Variants in CCN2 observed in about 807,000 individuals in gnomAD.
The protein encoded by CCN2 is cellular communication network factor 2.
Under a neutral mutation model 33.2 loss-of-function variants are expected in CCN2, and 22 were observed. The observed-to-expected ratio is 0.66, with a 90% CI of 0.47 to 0.95. The LOEUF is 0.95. CCN2 is among the 40% of genes least tolerant of loss of function. The pLI is 0.00. For synonymous variants in CCN2, 178 were observed against 200.6 expected (o/e 0.89, Z 0.95); for missense variants, 469 against 498.8 (o/e 0.94, Z 0.57).
Position 131,950,786 on chromosome 6 carries a change from C to A in CCN2, c.273G>T (p.Lys91Asn). 6.5e-7 allele frequency: 1 copy of A among 1,545,066 alleles called. No individual in the cohort carries two copies. Among genetic ancestry groups the A allele is most frequent in the Non-Finnish European group, 8.7e-7 (1 of 1,152,680 alleles). Residue 91 changes from lysine to asparagine, a missense_variant, in exon 2 of 5, where the codon AAG (lysine) becomes AAT (asparagine). Transcript: ENST00000367976. The surrounding 1 kb of genome is among the most constrained non-coding windows in gnomAD (Gnocchi z 7.1). ...FCHFGSPANR[K>N]IGVCTAKDGA... is the part of the protein sequence containing the mutation. ...GGGTCTTACCGGTGCACACGCCGATCTTGCGGTTGGCCGGGGAGCCGAAGT... is the reference window on the plus strand; with the variant it reads ...GGGTCTTACCGGTGCACACGCCGATATTGCGGTTGGCCGGGGAGCCGAAGT...
rs756979756 is a variant in CCN2, at chr6:131,950,081, G to A, written c.621C>T (p.Ser207=). The change falls in exon 4 of 5, where the codon AGC becomes AGT. Residue 207 remains serine, a synonymous_variant. Transcript: ENST00000367976. This position sits in a 1 kb window ranked among gnomAD's most constrained non-coding sequence, Gnocchi z 7.1. ...ANCLVQTTEW[S]ACSKTCGMGI... is the part of the protein sequence containing the mutation. ...CCATCCCACAGGTCTTGGAACAGGC[G>A]CTCCACTCTGTGGTCTGGACCAGGC... 4 of 1,614,084 alleles carry A rather than the reference G, an allele frequency of 2.5e-6. No homozygotes were observed. Among genetic ancestry groups the A allele is most frequent in the African/African-American group, 2.7e-5 (2 of 74,932 alleles).
Position 131,950,190 on chromosome 6 carries a change from T to C in CCN2, c.542-30A>G. 3.1e-6 allele frequency: 5 copies of C among 1,613,748 alleles called. No homozygotes were observed. The highest frequency in any genetic ancestry group is 1.7e-4 in the Middle Eastern group (1 of 6,060). ...GAGAGCAGAGCACACAAACACCATG[T>C]AAAACGCCTGGATAAGGTATTTCCC... On this transcript the variant is annotated intron_variant, in intron 3 of 4. Transcript: ENST00000367976. This position sits in a 1 kb window ranked among gnomAD's most constrained non-coding sequence, Gnocchi z 7.1.
At position 131,950,817 on chromosome 6, in the gene CCN2, A is replaced by C. The variant is rs767059535; in HGVS notation, c.242T>G (p.Phe81Cys). ...GTTGGCCGGGGAGCCGAAGTGACAGAATAGGCCCTTGTGCGGGTCGCATGG... is the reference window on the plus strand; with the variant it reads ...GTTGGCCGGGGAGCCGAAGTGACAGCATAGGCCCTTGTGCGGGTCGCATGG... ...RDPCDPHKGL[F>C]CHFGSPANRK... is the part of the protein sequence containing the mutation. Residue 81 changes from phenylalanine (F) to cysteine (C), a missense_variant, in exon 2 of 5, where the codon TTC becomes TGC. Transcript: ENST00000367976. The surrounding 1 kb of genome is among the most constrained non-coding windows in gnomAD (Gnocchi z 7.1). 10 of 1,545,096 alleles carry C rather than the reference A, an allele frequency of 6.5e-6. No individual in the cohort carries two copies. The African/African-American group carries it at 6.8e-5, about 11-fold the overall frequency.
Position 131,950,255 on chromosome 6 carries a change from G to GA in CCN2, c.541+36dup, listed in dbSNP as rs56033820. On this transcript the variant is annotated intron_variant, in intron 3 of 4. Coordinates refer to ENST00000367976, the MANE Select transcript of CCN2 (RefSeq NM_001901.4). The surrounding 1 kb of genome is among the most constrained non-coding windows in gnomAD (Gnocchi z 7.1). ...CAGTTAGGACTCCCTCCCTGGGAGA[G>GA]AATCACGACCCTGACTTAGAGGAAG... is the stretch of plus-strand genomic sequence containing the variant. 1 of 1,610,204 alleles carries GA rather than the reference G, an allele frequency of 6.2e-7. No homozygotes were observed. The highest frequency in any genetic ancestry group is 2.2e-5 in the East Asian group (1 of 44,784).
In CCN2 at chr6:131,950,269, A is replaced by G. The variant is rs1290691333; in HGVS notation, c.541+23T>C. On this transcript the variant is annotated intron_variant, in intron 3 of 4. Transcript: ENST00000367976. This position sits in a 1 kb window ranked among gnomAD's most constrained non-coding sequence, Gnocchi z 7.1. ...TCCCTGGGAGAGAATCACGACCCTG[A>G]CTTAGAGGAAGACTCGACTCACCCG... The G allele has an allele frequency of 2.0e-5, 32 of 1,611,418 alleles. No individual in the cohort carries two copies. Among genetic ancestry groups the G allele is most frequent in the Non-Finnish European group, 2.6e-5 (31 of 1,178,040 alleles).
Position 131,949,138 on chromosome 6 carries a change from T to A in CCN2, c.*126A>T. ...CACAATGTTTTGAATTGGGTGGGAA[T>A]CTTTTCCCCCAGTTAGAAAAACAGA... On this transcript the variant is annotated 3_prime_UTR_variant, in exon 5 of 5. Transcript: ENST00000367976. 1 of 839,262 alleles carries A rather than the reference T, an allele frequency of 1.2e-6. No homozygotes were observed. Among genetic ancestry groups the A allele is most frequent in the South Asian group, 1.6e-5 (1 of 61,284 alleles). The allele number at this position is 839,262 out of a possible 1,614,324, so 52.0% of individuals were successfully genotyped here.
intron 4 of CCN2, among the ~76,000 whole-genome samples, 158 bp downstream of exon 4, chr6:131,949,791 G>A (rs1415885946): frequency 1.3e-5 from 2 of 152,198 alleles, no homozygotes; most frequent in Non-Finnish European, 2.9e-5. Context: ...AAAACTGGTG[G>A]TTGCTATTAC....
chr6:131,951,179 C>T lies in CCN2; in HGVS notation c.-7G>A. ...CCATACTGGCGGCGGTCATGGTTGG[C>T]ACTGCGGGCGGAGCGGAGGGCGCGG... On this transcript the variant is annotated 5_prime_UTR_variant, in exon 1 of 5. Transcript: ENST00000367976. 7.6e-7 allele frequency: 1 copy of T among 1,323,910 alleles called. No homozygotes were observed. The allele number at this position is 1,323,910 out of a possible 1,614,324, so 82.0% of individuals were successfully genotyped here.
chr6:131,950,196 G>T lies in CCN2; in HGVS notation c.542-36C>A, dbSNP rs376542168. On this transcript the variant is annotated intron_variant, in intron 3 of 4. Coordinates refer to ENST00000367976, the MANE Select transcript of CCN2 (RefSeq NM_001901.4). The surrounding 1 kb of genome is among the most constrained non-coding windows in gnomAD (Gnocchi z 7.1). Reference sequence around the variant, plus strand: ...AGAGCACACAAACACCATGTAAAACGCCTGGATAAGGTATTTCCCCCGTTC... The same window carrying T: ...AGAGCACACAAACACCATGTAAAACTCCTGGATAAGGTATTTCCCCCGTTC... 38 of 1,613,334 alleles carry T rather than the reference G, an allele frequency of 2.4e-5. No homozygotes were observed. Among genetic ancestry groups the T allele is most frequent in the African/African-American group, 8.0e-5 (6 of 74,898 alleles).
rs966663389 is a variant in CCN2 at position 131,950,686 on chromosome 6, C to T, written c.289+84G>A. 2 of 1,482,016 alleles carry T rather than the reference C, an allele frequency of 1.3e-6. No individual in the cohort carries two copies. Among genetic ancestry groups the T allele is most frequent in the African/African-American group, 2.7e-5 (2 of 72,794 alleles). The allele number at this position is 1,482,016 out of a possible 1,614,324, so 91.8% of individuals were successfully genotyped here. A position where few individuals can be genotyped will look rare whatever the true frequency, so the allele number is the denominator to read the frequency against. On this transcript the variant is annotated intron_variant, in intron 2 of 4. Coordinates refer to ENST00000367976, the MANE Select transcript of CCN2 (RefSeq NM_001901.4). This position sits in a 1 kb window ranked among gnomAD's most constrained non-coding sequence, Gnocchi z 7.1. ...CAGCAGCTGGAGAAAGAAACTCAGT[C>T]CGAGCGGTTTCTTTTTCCAGCGGGC...
At position 131,950,651 on chromosome 6, in the gene CCN2, G is replaced by A; in HGVS notation, c.290-108C>T. 3.9e-6 allele frequency: 6 copies of A among 1,523,090 alleles called. No homozygotes were observed. Among genetic ancestry groups the A allele is most frequent in the Non-Finnish European group, 5.3e-6 (6 of 1,123,246 alleles). 94.3% of individuals were successfully genotyped at this position (1,523,090 alleles called of 1,614,324 possible). A position where few individuals can be genotyped will look rare whatever the true frequency, so the allele number is the denominator to read the frequency against. On this transcript the variant is annotated intron_variant, in intron 2 of 4. Coordinates refer to ENST00000367976, the MANE Select transcript of CCN2 (RefSeq NM_001901.4). This position sits in a 1 kb window ranked among gnomAD's most constrained non-coding sequence, Gnocchi z 7.1. Reference sequence around the variant, plus strand: ...GCGAGTTGGGATCTGGGCTGCAGGGGGCGGGCTGGCAGCAGCTGGAGAAAG... The same window carrying A: ...GCGAGTTGGGATCTGGGCTGCAGGGAGCGGGCTGGCAGCAGCTGGAGAAAG...
Position 131,949,452 on chromosome 6 carries a change from T to C in CCN2, c.862A>G (p.Thr288Ala), listed in dbSNP as rs759957908. The change falls in exon 5 of 5, where the codon ACC becomes GCC. Residue 288 changes from threonine to alanine, a missense_variant. Physicochemically the swap from Thr to Ala is moderately conservative, Grantham distance 58. Coordinates refer to ENST00000367976, the MANE Select transcript of CCN2 (RefSeq NM_001901.4). ...TYRAKFCGVC[T>A]DGRCCTPHRT... The stretch of plus-strand genomic sequence containing the variant: ...TGGGGGGTGCAGCATCGGCCGTCGG[T>C]ACATACTCCACAGAATTTAGCTCGG... 3 of 1,614,186 alleles carry C rather than the reference T, an allele frequency of 1.9e-6. No homozygotes were observed. Among genetic ancestry groups the C allele is most frequent in the Middle Eastern group, 3.3e-4 (2 of 6,062 alleles).
rs1783054039 is a variant in CCN2, at chr6:131,948,619, A to G, written c.*645T>C. ...CACAAACAACTTTAAATTAACTTAG[A>G]TAACTGTACATATATATATATATAC... On this transcript the variant is annotated 3_prime_UTR_variant, in exon 5 of 5. Coordinates refer to ENST00000367976, the MANE Select transcript of CCN2 (RefSeq NM_001901.4). The G allele has an allele frequency of 6.6e-6, 1 of 150,946 alleles. No individual in the cohort carries two copies. The highest frequency in any genetic ancestry group is 1.5e-5 in the Non-Finnish European group (1 of 67,860). 9.4% of individuals were successfully genotyped at this position (150,946 alleles called of 1,614,324 possible).
Position 131,951,315 on chromosome 6 carries a change from G to A in CCN2, c.-143C>T. The A allele has an allele frequency of 1.6e-6, 1 of 621,704 alleles. No individual in the cohort carries two copies. Among genetic ancestry groups the A allele is most frequent in the Non-Finnish European group, 2.3e-6 (1 of 437,088 alleles). The allele number at this position is 621,704 out of a possible 1,614,324, so 38.5% of individuals were successfully genotyped here. A position where few individuals can be genotyped will look rare whatever the true frequency, so the allele number is the denominator to read the frequency against. ...GCTGTCGGCCGGGGCGGCTGCCGTC[G>A]AGCTGGAGGGTGGAGTCGCACTGGC... On this transcript the variant is annotated 5_prime_UTR_variant, in exon 1 of 5. Transcript: ENST00000367976.
chr6:131,948,180 T>C lies in CCN2; in HGVS notation c.*1084A>G, dbSNP rs35846502. 11 of 152,606 alleles carry C rather than the reference T, an allele frequency of 7.2e-5. No individual in the cohort carries two copies. The highest frequency in any genetic ancestry group is 1.5e-5 in the Non-Finnish European group (1 of 68,034). The allele number at this position is 152,606 out of a possible 1,614,324, so 9.5% of individuals were successfully genotyped here. ...GATAAATGAATAACCAAGCCCTTTATAGAAAAAATATACACTTTATTTTCA... is the reference window on the plus strand; with the variant it reads ...GATAAATGAATAACCAAGCCCTTTACAGAAAAAATATACACTTTATTTTCA... On this transcript the variant is annotated 3_prime_UTR_variant, in exon 5 of 5. Coordinates refer to ENST00000367976, the MANE Select transcript of CCN2 (RefSeq NM_001901.4).
rs1783091060 is a variant in CCN2 at position 131,950,600 on chromosome 6, ACT to A, written c.290-59_290-58del. 5 of 1,587,616 alleles carry A rather than the reference ACT, an allele frequency of 3.1e-6. No individual in the cohort carries two copies. The highest frequency in any genetic ancestry group is 3.4e-6 in the Non-Finnish European group (4 of 1,165,368). On this transcript the variant is annotated intron_variant, in intron 2 of 4. Coordinates refer to ENST00000367976, the MANE Select transcript of CCN2 (RefSeq NM_001901.4). The surrounding 1 kb of genome is among the most constrained non-coding windows in gnomAD (Gnocchi z 7.1). ...GGATGCAGAGGTCAGGCATTGGGGC[ACT>A]CTCACATCCAGAGCGTCAGGGATGC...
rs1202949995 is a variant in CCN2 at position 131,950,041 on chromosome 6, C to G, written c.661G>C (p.Val221Leu). Reference protein sequence around the residue: ...KTCGMGISTRVTNDNASCRLE... With the variant: ...KTCGMGISTRLTNDNASCRLE... ...CTGCAGGAGGCGTTGTCATTGGTAA[C>G]CCGGGTGGAGATGCCCATCCCACAG... Residue 221 changes from valine (V) to leucine (L), a missense_variant, in exon 4 of 5, where the codon GTT becomes CTT. Transcript: ENST00000367976. The surrounding 1 kb of genome is among the most constrained non-coding windows in gnomAD (Gnocchi z 7.1). The G allele has an allele frequency of 5.6e-6, 9 of 1,614,114 alleles. No individual in the cohort carries two copies. The highest frequency in any genetic ancestry group is 3.3e-4 in the Middle Eastern group (2 of 6,084).
At chr6:131,949,917 T>A (rs1157532685) in intron 4 of CCN2, 32 bp downstream of exon 4, 6 of 1,603,896 alleles carry the variant, frequency 3.7e-6, no homozygotes, top group East Asian at 2.2e-5. Context: ...GTTTTTCCTG[T>A]GAAAAATAGT....
intron 1 of CCN2, 32 bp downstream of exon 1, chr6:131,951,075 C>G: frequency 7.7e-7 from 1 of 1,292,346 alleles, no homozygotes; most frequent in Non-Finnish European, 9.8e-7. Flanking sequence ...CCCTGGCAGC[C>G]GCCGGCCGCA....
Sources: gnomAD v4.1 joint callset for allele counts (sites outside exome capture counted in the v4.1 genomes callset) on GRCh38, gnomAD v4.1.1 for gene constraint, Gnocchi (gnomAD v3.1) non-coding constraint, MANE v1.5 for transcripts, NCBI Gene and HGNC (gene_info 2026-07-23, HGNC 2026-07-21) for gene names.